CECR2: variants seen among roughly 807,000 people sequenced by gnomAD.
CECR2 encodes the protein chromatin remodeling regulator CECR2.
CECR2 carries 30 observed loss-of-function variants against 154.5 expected under a neutral mutation model. The ratio of observed to expected loss-of-function variants is 0.19; its 90% confidence interval spans 0.15 to 0.26. The LOEUF is 0.26. Among genes scored for constraint, CECR2 ranks in the 10% least tolerant of loss-of-function variants. The probability of loss-of-function intolerance (pLI) is 1.00; values close to 1 mark genes in which losing one functional copy is unlikely to be tolerated. For synonymous variants in CECR2, 725 were observed against 683.7 expected (o/e 1.06, Z -0.94); for missense variants, 1,743 against 1,829.3 (o/e 0.95, Z 0.86).
At chr22:17,373,329 A>G (rs1220078280) in intron 1 of CECR2, among the ~76,000 whole-genome samples, 2 of 152,226 alleles carry the variant, frequency 1.3e-5, no homozygotes, top group East Asian at 3.8e-4. Context: ...AGTTTTAGAT[A>G]AGAAACCTGC....
intron 1 of CECR2, among the ~76,000 whole-genome samples, chr22:17,404,071 A>G (rs1260499345): frequency 1.3e-5 from 2 of 151,842 alleles, no homozygotes; most frequent in African/African-American, 4.8e-5. Context: ...TAGTCCAGCC[A>G]ATGTGGTGAA....
chr22:17,400,928 T>TTTG (rs149065666), intron 1 of CECR2, among the ~76,000 whole-genome samples: 2 of 151,910 alleles, frequency 1.3e-5, no homozygotes, highest in African/African-American at 2.4e-5. Flanking sequence ...TTTTTTGACT[T>TTTG]TTGTTGTTGT....
chr22:17,528,163 C>G (rs56402222), intron 9 of CECR2, among the ~76,000 whole-genome samples: 1 of 151,836 alleles, frequency 6.6e-6, no homozygotes, highest in Non-Finnish European at 1.5e-5. Context: ...CCTAAGTGTC[C>G]GTCAGCAAAT....
intron 1 of CECR2, among the ~76,000 whole-genome samples, chr22:17,445,307 G>A (rs1340503729): frequency 6.6e-6 from 1 of 152,048 alleles, no homozygotes; most frequent in Non-Finnish European, 1.5e-5. Flanking sequence ...CAGGAGACCA[G>A]TCTAGGTGAC....
At chr22:17,374,343 C>T (rs2063093859) in intron 1 of CECR2, among the ~76,000 whole-genome samples, 1 of 152,108 alleles carries the variant, frequency 6.6e-6, no homozygotes, top group South Asian at 2.1e-4. Flanking sequence ...TTGAAGAATC[C>T]AGCCCCTTAA....
chr22:17,454,002 T>TC (rs2054813504), intron 1 of CECR2, among the ~76,000 whole-genome samples: 1 of 152,198 alleles, frequency 6.6e-6, no homozygotes, highest in Non-Finnish European at 1.5e-5. Flanking sequence ...TGTCAGCCTG[T>TC]CCAAGTGCTG....
chr22:17,514,906 G>A (rs1004599758), intron 8 of CECR2, among the ~76,000 whole-genome samples: 8 of 151,852 alleles, frequency 5.3e-5, no homozygotes, highest in Non-Finnish European at 8.8e-5. Flanking sequence ...GGTGGTGGGC[G>A]CCTGTAGTCC....
chr22:17,477,142 G>T, intron 1 of CECR2: 1 of 725,430 alleles, frequency 1.4e-6, no homozygotes, highest in Non-Finnish European at 2.6e-6. Context: ...TGTTGCAGAT[G>T]GTTTATCTCT....
At position 17,465,221 on chromosome 22, in the gene CECR2, C is replaced by A. The variant is rs562734646; in HGVS notation, c.127-12367C>A. Among the ~76,000 whole-genome samples the A allele has an allele frequency of 2.0e-5, 3 of 152,234 alleles. No individual in the cohort carries two copies. In the East Asian group the frequency reaches 5.8e-4, roughly 30 times the overall value. On this transcript the variant is annotated intron_variant, in intron 1 of 18. Coordinates refer to ENST00000262608, the MANE Select transcript of CECR2 (RefSeq NM_001290047.2). ...CCGTGTTAGCCAGGATGGTCTTGAT[C>A]TCCTGACCTCGTGATCCGCCCGCCT... is the stretch of plus-strand genomic sequence containing the variant.
chr22:17,405,848 ACTT>A (rs1219216842), intron 1 of CECR2, among the ~76,000 whole-genome samples: 4 of 152,114 alleles, frequency 2.6e-5, no homozygotes, highest in Non-Finnish European at 4.4e-5. Context: ...GGAAGCCACT[ACTT>A]CTTTTTCTTA....
chr22:17,459,851 T>C (rs1459032845), intron 1 of CECR2, among the ~76,000 whole-genome samples: 1 of 152,210 alleles, frequency 6.6e-6, no homozygotes, highest in Non-Finnish European at 1.5e-5. Context: ...TGAAACAAAT[T>C]CTTCAGAAGC....
chr22:17,402,140 T>G (rs2053903406), intron 1 of CECR2, among the ~76,000 whole-genome samples: 1 of 152,014 alleles, frequency 6.6e-6, no homozygotes, highest in Non-Finnish European at 1.5e-5. Flanking sequence ...CCCACCACCA[T>G]GCCCAGCTAA....
chr22:17,480,979 G>A (rs892647096), intron 2 of CECR2, among the ~76,000 whole-genome samples: 5 of 149,776 alleles, frequency 3.3e-5, no homozygotes, highest in African/African-American at 1.2e-4. Context: ...GGCGGAGGTT[G>A]CAGTGAGCCA....
intron 8 of CECR2, among the ~76,000 whole-genome samples, chr22:17,519,453 G>A (rs997140621): frequency 3.9e-5 from 6 of 151,944 alleles, no homozygotes; most frequent in African/African-American, 1.2e-4. Flanking sequence ...TAGAGACAGG[G>A]TTCACCACAT....
At chr22:17,443,725 C>T (rs1191248758) in intron 1 of CECR2, among the ~76,000 whole-genome samples, 1 of 152,154 alleles carries the variant, frequency 6.6e-6, no homozygotes, top group Non-Finnish European at 1.5e-5. Context: ...CCCCACTCCT[C>T]GTAATCTGCT....
chr22:17,491,579 GTGT>G (rs1279073035), intron 2 of CECR2, among the ~76,000 whole-genome samples: 31 of 99,204 alleles, frequency 3.1e-4, no homozygotes, highest in Non-Finnish European at 4.8e-4. Flanking sequence ...GTGTGTGTGT[GTGT>G]GGGGGGGTGG....
intron 2 of CECR2, among the ~76,000 whole-genome samples, chr22:17,483,963 GATCCACAA>G (rs1166253215): frequency 2.0e-5 from 3 of 152,050 alleles, no homozygotes; most frequent in African/African-American, 7.2e-5. Flanking sequence ...GATGTGTCTG[GATCCACAA>G]ATCCTTAACA....
intron 8 of CECR2, among the ~76,000 whole-genome samples, chr22:17,522,033 G>A (rs1002862686): frequency 6.6e-6 from 1 of 152,096 alleles, no homozygotes; most frequent in East Asian, 1.9e-4. Context: ...ACTGGTTTTT[G>A]TCAGGTTTGT....
intron 1 of CECR2, among the ~76,000 whole-genome samples, chr22:17,472,626 C>T (rs1343609245): frequency 5.9e-5 from 9 of 152,078 alleles, no homozygotes; most frequent in East Asian, 3.9e-4. Context: ...TTACAGTGAC[C>T]GAATGGCAGT....
Sources: gnomAD v4.1 joint callset for allele counts (sites outside exome capture counted in the v4.1 genomes callset) on GRCh38, gnomAD v4.1.1 for gene constraint, MANE v1.5 for transcripts, NCBI Gene and HGNC (gene_info 2026-07-23, HGNC 2026-07-21) for gene names.